Variants in CACNA2D1 observed in about 807,000 individuals in gnomAD.
The protein encoded by CACNA2D1 is voltage-dependent calcium channel subunit alpha-2/delta-1.
CACNA2D1 carries 53 observed loss-of-function variants against 171.5 expected under a neutral mutation model. The ratio of observed to expected loss-of-function variants is 0.31; its 90% CI spans 0.25 to 0.39. CACNA2D1 has a LOEUF of 0.39. CACNA2D1 is among the 10% of genes least tolerant of loss of function. The probability of loss-of-function intolerance (pLI) is 1.00; values close to 1 mark genes in which losing one functional copy is unlikely to be tolerated. For missense variants in CACNA2D1, 903 were observed against 1,299.8 expected (o/e 0.69, Z 4.69); for synonymous variants, 442 against 443.1 (o/e 1.00, Z 0.03).
intron 3 of CACNA2D1, among the ~76,000 whole-genome samples, chr7:82,232,455 A>G (rs1803044795): frequency 6.6e-6 from 1 of 152,204 alleles, no homozygotes; most frequent in Admixed American, 6.5e-5. Flanking sequence ...AGCTAAACTT[A>G]GTTGAAAATA....
intron 11 of CACNA2D1, chr7:82,033,148 C>A (rs980275665): frequency 5.4e-6 from 2 of 369,504 alleles, no homozygotes; most frequent in South Asian, 8.9e-5. Flanking sequence ...GCCACTTTAT[C>A]ATGAGGTGAT....
At chr7:82,153,296 A>AT (rs1794038906) in intron 4 of CACNA2D1, among the ~76,000 whole-genome samples, 1 of 152,004 alleles carries the variant, frequency 6.6e-6, no homozygotes, top group African/African-American at 2.4e-5. Flanking sequence ...TAAAACTGAG[A>AT]TAAAAAAATC....
intron 1 of CACNA2D1, among the ~76,000 whole-genome samples, chr7:82,441,484 T>C (rs1001317584): frequency 1.3e-5 from 2 of 152,150 alleles, no homozygotes; most frequent in Non-Finnish European, 2.9e-5. Flanking sequence ...GATGTCCTAC[T>C]TCCCATTTTA....
At chr7:82,085,909 C>A (rs1374491509) in intron 6 of CACNA2D1, among the ~76,000 whole-genome samples, 2 of 152,114 alleles carry the variant, frequency 1.3e-5, no homozygotes, top group African/African-American at 4.8e-5. Context: ...TAATTTATAA[C>A]TGACCCTTCA....
intron 3 of CACNA2D1, among the ~76,000 whole-genome samples, chr7:82,213,515 A>C (rs1483035924): frequency 6.6e-6 from 1 of 152,184 alleles, no homozygotes; most frequent in Non-Finnish European, 1.5e-5. Context: ...CACCCACTAG[A>C]TTTGAAATGC....
intron 3 of CACNA2D1, among the ~76,000 whole-genome samples, chr7:82,237,201 T>A (rs994453451): frequency 5.3e-5 from 8 of 151,852 alleles, no homozygotes; most frequent in Non-Finnish European, 1.0e-4. Flanking sequence ...CTAAAAAAAA[T>A]TTTACAAGTC....
chr7:81,972,764 C>A (rs1795418095), intron 25 of CACNA2D1, among the ~76,000 whole-genome samples: 2 of 152,012 alleles, frequency 1.3e-5, no homozygotes, highest in Admixed American at 6.6e-5. Flanking sequence ...CAAAATTTGA[C>A]TTTTTCAGAT....
intron 1 of CACNA2D1, among the ~76,000 whole-genome samples, chr7:82,377,463 A>AATT (rs969236117): frequency 9.9e-5 from 15 of 152,122 alleles, no homozygotes; most frequent in African/African-American, 3.6e-4. Flanking sequence ...ATCTAATAAA[A>AATT]ATTATGAGAG....
At position 81,950,025 on chromosome 7, in the gene CACNA2D1, T is replaced by C. The variant is rs1009534268; in HGVS notation, c.*367A>G. On this transcript the variant is annotated 3_prime_UTR_variant, in exon 39 of 39. Transcript: ENST00000356860. ...ATTTTCTTAGTAAAATTGCAGCAAGTCAAAATTCCAGGTCAATATCAAGAC... is the reference window on the plus strand; with the variant it reads ...ATTTTCTTAGTAAAATTGCAGCAAGCCAAAATTCCAGGTCAATATCAAGAC... 5.3e-6 allele frequency: 1 copy of C among 187,474 alleles called. No homozygotes were observed. The highest frequency in any genetic ancestry group is 2.3e-5 in the African/African-American group (1 of 42,610). 11.6% of individuals were successfully genotyped at this position (187,474 alleles called of 1,614,324 possible).
intron 3 of CACNA2D1, among the ~76,000 whole-genome samples, chr7:82,256,801 T>A (rs1277864743): frequency 6.6e-6 from 1 of 152,126 alleles, no homozygotes; most frequent in Non-Finnish European, 1.5e-5. Flanking sequence ...ATAATACGAA[T>A]CTCTAAGGCA....
chr7:81,999,926 G>A (rs933035511), intron 18 of CACNA2D1, among the ~76,000 whole-genome samples: 15 of 152,020 alleles, frequency 9.9e-5, no homozygotes, highest in African/African-American at 3.6e-4. Context: ...TCTCAACTAG[G>A]GCAGTGGCTC....
intron 10 of CACNA2D1, among the ~76,000 whole-genome samples, chr7:82,052,249 T>C (rs989316158): frequency 1.3e-5 from 2 of 152,168 alleles, no homozygotes; most frequent in African/African-American, 4.8e-5. Context: ...CACTCCCTCC[T>C]TCCTCAGTGC....
chr7:82,146,201 A>G (rs1387813289), intron 4 of CACNA2D1, among the ~76,000 whole-genome samples: 1 of 151,716 alleles, frequency 6.6e-6, no homozygotes, highest in Non-Finnish European at 1.5e-5. Flanking sequence ...ACTACAGCCC[A>G]GAGCTGAACT....
chr7:82,114,780 G>C (rs1010316574), intron 6 of CACNA2D1, among the ~76,000 whole-genome samples: 1 of 135,988 alleles, frequency 7.4e-6, no homozygotes, highest in East Asian at 2.1e-4. Context: ...AAAAAAAAAA[G>C]AAACAGAAGA....
intron 18 of CACNA2D1, among the ~76,000 whole-genome samples, chr7:81,999,858 G>A (rs1345765739): frequency 6.6e-6 from 1 of 152,148 alleles, no homozygotes; most frequent in Non-Finnish European, 1.5e-5. Flanking sequence ...ACTTTCATAT[G>A]CAACAATAGG....
chr7:82,378,920 T>C (rs1033872424), intron 1 of CACNA2D1, among the ~76,000 whole-genome samples: 7 of 149,328 alleles, frequency 4.7e-5, no homozygotes, highest in Non-Finnish European at 8.9e-5. Flanking sequence ...TGCTACTGTA[T>C]GTGTGCAGGG....
At chr7:82,300,065 G>A (rs1369993931) in intron 3 of CACNA2D1, among the ~76,000 whole-genome samples, 1 of 152,126 alleles carries the variant, frequency 6.6e-6, no homozygotes, top group Non-Finnish European at 1.5e-5. Context: ...ATACAGGTAG[G>A]TGTCTCTCAT....
chr7:81,971,640 C>CTGTATAGTTGT, intron 26 of CACNA2D1, 137 bp downstream of exon 26: 1 of 642,556 alleles, frequency 1.6e-6, no homozygotes, highest in Non-Finnish European at 2.8e-6. Context: ...TTGTCAACAA[C>CTGTATAGTTGT]TGTATAGTGA....
chr7:82,207,764 T>C (rs1800159008), intron 3 of CACNA2D1, among the ~76,000 whole-genome samples: 1 of 152,208 alleles, frequency 6.6e-6, no homozygotes, highest in African/African-American at 2.4e-5. Flanking sequence ...CAGTCTTGTT[T>C]AAGTGGAAGC....
Sources: gnomAD v4.1 joint callset for allele counts (sites outside exome capture counted in the v4.1 genomes callset) on GRCh38, gnomAD v4.1.1 for gene constraint, MANE v1.5 for transcripts, NCBI Gene and HGNC (gene_info 2026-07-23, HGNC 2026-07-21) for gene names.